NUDT22: variants seen among roughly 807,000 people sequenced by gnomAD.
NUDT22 encodes the protein uridine diphosphate glucose pyrophosphatase NUDT22.
In NUDT22, 23 loss-of-function variants were observed where a neutral mutation model predicts 28.8. The observed-to-expected ratio is 0.80, with a 90% CI of 0.58 to 1.13. NUDT22 has a LOEUF of 1.13. NUDT22 is among the 50% of genes most tolerant of loss of function. NUDT22 has a pLI of 0.00. For synonymous variants in NUDT22, 175 were observed against 173.7 expected (o/e 1.01, Z -0.06); for missense variants, 358 against 387.3 (o/e 0.92, Z 0.64).
In NUDT22 at chr11:64,229,949, G is replaced by T; in HGVS notation, c.871G>T (p.Gly291Ter). Residue 291 changes from glycine to a stop codon, truncating the protein, a stop_gained, in exon 6 of 6, where the codon GGA (glycine) becomes TGA (stop). Transcript: ENST00000279206. LOFTEE classifies it low-confidence loss of function (END_TRUNC). ...LYNRVQGSPT[G>*]AALGSPALLP... is the part of the protein sequence containing the mutation. ...CAACCGGGTTCAGGGAAGTCCCACT[G>T]GAGCGGCCCTAGGGTCCCCAGCCCT... 1 of 1,613,206 alleles carries T rather than the reference G, an allele frequency of 6.2e-7. No homozygotes were observed. Among genetic ancestry groups the T allele is most frequent in the South Asian group, 1.1e-5 (1 of 91,084 alleles).
Position 64,226,838 on chromosome 11 carries a change from C to A in NUDT22, c.186C>A (p.Arg62=). 1 of 1,608,958 alleles carries A rather than the reference C, an allele frequency of 6.2e-7. No homozygotes were observed. The highest frequency in any genetic ancestry group is 1.7e-5 in the Admixed American group (1 of 60,026). The change falls in exon 2 of 6, where the codon CGC becomes CGA. Residue 62 remains arginine (R), a synonymous_variant. Coordinates refer to ENST00000279206, the MANE Select transcript of NUDT22 (RefSeq NM_032344.4). ...GGCTCTTCGACGCCCCCAAGTTCCG[C>A]CTGCACTCAGCCACCCTGGCGCCTA... ...QPWLFDAPKF[R]LHSATLAPIG... is the part of the protein sequence containing the mutation.
Position 64,229,565 on chromosome 11 carries a change from GAC to G in NUDT22, c.769_770del (p.Gln257GlufsTer13), listed in dbSNP as rs1180088485. 9 of 1,613,874 alleles carry G rather than the reference GAC, an allele frequency of 5.6e-6. No homozygotes were observed. The highest frequency in any genetic ancestry group is 3.3e-5 in the Admixed American group (2 of 60,012). ...AGTCTACAGGAATCTTCTTTGTGGA[GAC>G]ACAGGTGCAGAGTGACAAACCATCT... is the stretch of plus-strand genomic sequence containing the variant. The part of the protein sequence containing the change: ...HESTGIFFVE[T>X]QNVQRLLETE... On this transcript the variant is annotated frameshift_variant, in exon 5 of 6. Coordinates refer to ENST00000279206, the MANE Select transcript of NUDT22 (RefSeq NM_032344.4). LOFTEE classifies it high-confidence loss of function.
At chr11:64,229,654 G>A in intron 5 of NUDT22, 83 bp downstream of exon 5, 1 of 1,411,144 alleles carries the variant, frequency 7.1e-7, no homozygotes, top group Non-Finnish European at 1.0e-6. Flanking sequence ...TAGGGGAGGT[G>A]TTGGCTGGGT....
chr11:64,227,421 C>T, intron 2 of NUDT22, 147 bp from the exon 3 acceptor site: 1 of 754,306 alleles, frequency 1.3e-6, no homozygotes, highest in Non-Finnish European at 2.3e-6. Context: ...GGTTGTCTGT[C>T]AGGGAAAGGA....
rs769330655 is a variant in NUDT22, at chr11:64,229,505, G to C, written c.705G>C (p.Arg235Ser). 1.9e-6 allele frequency: 3 copies of C among 1,614,192 alleles called. No individual in the cohort carries two copies. The highest frequency in any genetic ancestry group is 2.5e-6 in the Non-Finnish European group (3 of 1,180,012). Residue 235 changes from arginine to serine, a missense_variant, in exon 5 of 6, where the codon AGG (arginine) becomes AGC (serine). Physicochemically the swap from Arg to Ser is moderately radical, Grantham distance 110 (BLOSUM62 -1). Coordinates refer to ENST00000279206, the MANE Select transcript of NUDT22 (RefSeq NM_032344.4). ...VQCSLTSEQVRKHYLSGGPEA... is the reference protein window; with the variant it reads ...VQCSLTSEQVSKHYLSGGPEA... ...GCAGCCTGACTTCTGAGCAGGTGAG[G>C]AAGCACTACCTGAGTGGGGGACCCG...
chr11:64,229,318 C>T lies in NUDT22; in HGVS notation c.651C>T (p.Gly217=). Reference sequence around the variant, plus strand: ...TCGCCCGAAATGAGACCAGTGCTGGCCGAGCCAGTGCCGAGTTCTATGTCC... The same window carrying T: ...TCGCCCGAAATGAGACCAGTGCTGGTCGAGCCAGTGCCGAGTTCTATGTCC... ...LGIARNETSA[G]RASAEFYVQC... is the part of the protein sequence containing the mutation. The change falls in exon 4 of 6, where the codon GGC becomes GGT. Residue 217 remains glycine, a synonymous_variant. Transcript: ENST00000279206. 1 of 1,607,482 alleles carries T rather than the reference C, an allele frequency of 6.2e-7. No homozygotes were observed. The highest frequency in any genetic ancestry group is 8.5e-7 in the Non-Finnish European group (1 of 1,176,928).
downstream of NUDT22, chr11:64,230,084 A>G: frequency 9.3e-7 from 1 of 1,070,050 alleles, no homozygotes; most frequent in Non-Finnish European, 1.4e-6. Flanking sequence ...AGGCAGGACA[A>G]GTGACTTGGG....
At position 64,226,753 on chromosome 11, in the gene NUDT22, T is replaced by C; in HGVS notation, c.101T>C (p.Leu34Pro). ...AGCCCCGCCCATGACCGTCGCCCAC[T>C]GCCAGGTGGGGACGAGGCCATCACT... Reference protein sequence around the residue: ...ELSPAHDRRPLPGGDEAITAI... With the variant: ...ELSPAHDRRPPPGGDEAITAI... The change falls in exon 2 of 6, where the codon CTG (leucine) becomes CCG (proline). Residue 34 changes from leucine (L) to proline (P), a missense_variant. By Grantham distance (98) the Leu-to-Pro change is moderately conservative. Coordinates refer to ENST00000279206, the MANE Select transcript of NUDT22 (RefSeq NM_032344.4). The C allele has an allele frequency of 6.2e-7, 1 of 1,610,580 alleles. No individual in the cohort carries two copies. Among genetic ancestry groups the C allele is most frequent in the East Asian group, 2.2e-5 (1 of 44,872 alleles).
chr11:64,230,120 G>T (rs1183116848), downstream of NUDT22: 1 of 1,023,192 alleles, frequency 9.8e-7, no homozygotes, highest in African/African-American at 1.6e-5. Flanking sequence ...AACCCGCCCA[G>T]CCTGTGTCCC....
rs1434983117 is a variant in NUDT22, at chr11:64,229,268, C to T, written c.601C>T (p.Leu201=). 1.3e-6 allele frequency: 2 copies of T among 1,587,734 alleles called. No individual in the cohort carries two copies. Among genetic ancestry groups the T allele is most frequent in the Middle Eastern group, 3.6e-4 (2 of 5,538 alleles). ...CDEVNLPLLT[L]SQPLLLGIAR... Reference sequence around the variant, plus strand: ...GCAGGTGAACCTGCCGCTGCTCACCCTGAGCCAGCCCCTGCTGTTGGGCAT... The same window carrying T: ...GCAGGTGAACCTGCCGCTGCTCACCTTGAGCCAGCCCCTGCTGTTGGGCAT... The change falls in exon 4 of 6, where the codon CTG becomes TTG. Residue 201 remains leucine, a synonymous_variant. Coordinates refer to ENST00000279206, the MANE Select transcript of NUDT22 (RefSeq NM_032344.4).
At position 64,227,683 on chromosome 11, in the gene NUDT22, T is replaced by C. The variant is rs937578636; in HGVS notation, c.579+17T>C. Reference sequence around the variant, plus strand: ...TGTGATGAGGTGAGTGAGGTTGACCTGGACAGGGTGGTAGACATGAAGGGA... The same window carrying C: ...TGTGATGAGGTGAGTGAGGTTGACCCGGACAGGGTGGTAGACATGAAGGGA... On this transcript the variant is annotated intron_variant, in intron 3 of 5. Transcript: ENST00000279206. 8 of 1,595,942 alleles carry C rather than the reference T, an allele frequency of 5.0e-6. No homozygotes were observed. Among genetic ancestry groups the C allele is most frequent in the Admixed American group, 1.7e-5 (1 of 59,998 alleles).
Position 64,227,641 on chromosome 11 carries a change from G to T in NUDT22, c.554G>T (p.Ser185Ile). 3 of 1,614,088 alleles carry T rather than the reference G, an allele frequency of 1.9e-6. No individual in the cohort carries two copies. Among genetic ancestry groups the T allele is most frequent in the Non-Finnish European group, 2.5e-6 (3 of 1,179,968 alleles). The change falls in exon 3 of 6, where the codon AGT (serine) becomes ATT (isoleucine). Residue 185 changes from serine to isoleucine, a missense_variant. Ser to Ile is a moderately radical substitution (Grantham distance 142). Transcript: ENST00000279206. ...CTGGTGGTACATGAACTCTTTTCCA[G>T]TGTCCTTCAGGAGATCTGTGATGAG... ...GQLVVHELFS[S>I]VLQEICDEVN...
rs1053070143 is a variant in NUDT22, at chr11:64,229,229, C to A, written c.580-18C>A. ...CATTGATAGGTGGGACCTCCCCCCA[C>A]CCCACCCTCCACCGCAGGTGAACCT... On this transcript the variant is annotated intron_variant, in intron 3 of 5. Transcript: ENST00000279206. 2 of 1,539,804 alleles carry A rather than the reference C, an allele frequency of 1.3e-6. No homozygotes were observed. Among genetic ancestry groups the A allele is most frequent in the Non-Finnish European group, 1.8e-6 (2 of 1,137,686 alleles).
chr11:64,227,707 G>GA, intron 3 of NUDT22, 41 bp downstream of exon 3: 2 of 1,530,964 alleles, frequency 1.3e-6, no homozygotes, highest in Non-Finnish European at 1.8e-6. Flanking sequence ...GACATGAAGG[G>GA]AGGGGGTAGG....
At chr11:64,230,132 C>A, downstream of NUDT22, 1 of 973,344 alleles carries the variant, frequency 1.0e-6, no homozygotes, top group African/African-American at 1.6e-5. Flanking sequence ...CTGTGTCCCC[C>A]TCTGCAAGCA....
chr11:64,230,085 G>T, downstream of NUDT22: 32 of 981,304 alleles, frequency 3.3e-5, no homozygotes, highest in African/African-American at 5.5e-5. Flanking sequence ...GGCAGGACAA[G>T]TGACTTGGGA....
intron 2 of NUDT22, 114 bp downstream of exon 2, chr11:64,227,246 G>A (rs1418337809): frequency 2.2e-6 from 3 of 1,346,404 alleles, no homozygotes; most frequent in Admixed American, 3.9e-5. Flanking sequence ...AAATTGGCCT[G>A]GTATTTCTCT....
Position 64,227,676 on chromosome 11 carries a change from G to A in NUDT22, c.579+10G>A, listed in dbSNP as rs534144491. The A allele has an allele frequency of 1.7e-5, 27 of 1,606,374 alleles. No homozygotes were observed. Among genetic ancestry groups the A allele is most frequent in the Admixed American group, 1.7e-4 (10 of 59,998 alleles). On this transcript the variant is annotated intron_variant, in intron 3 of 5. Transcript: ENST00000279206. The stretch of plus-strand genomic sequence containing the variant: ...GGAGATCTGTGATGAGGTGAGTGAG[G>A]TTGACCTGGACAGGGTGGTAGACAT...
At chr11:64,226,530 C>G (rs898168909) in intron 1 of NUDT22, 103 bp downstream of exon 1, 56 of 1,489,708 alleles carry the variant, frequency 3.8e-5, no homozygotes, top group Non-Finnish European at 3.4e-5. Context: ...GGTGGAGAAG[C>G]GCTGCGGATA....
Sources: allele counts gnomAD v4.1 joint callset, GRCh38; gene constraint gnomAD v4.1.1; transcripts MANE v1.5; gene names NCBI Gene and HGNC (gene_info 2026-07-23, HGNC 2026-07-21).